Variants in FLRT2 observed in about 807,000 individuals in gnomAD.
The protein encoded by FLRT2 is fibronectin leucine rich transmembrane protein 2, also known as leucine-rich repeat transmembrane protein FLRT2.
A neutral mutation model predicts 40.0 loss-of-function variants in FLRT2; 15 were observed. That is an observed-to-expected ratio of 0.38 (90% confidence interval 0.25 to 0.58). The LOEUF is 0.58. Ranked by LOEUF, FLRT2 falls within the 20% of genes least tolerant of loss-of-function variation. The probability of loss-of-function intolerance (pLI) is 0.71; values close to 1 mark genes in which losing one functional copy is unlikely to be tolerated. For synonymous variants in FLRT2, 380 were observed against 336.8 expected, an observed-to-expected ratio of 1.13 and a Z score of -1.41; for missense variants, 726 against 840.0, an observed-to-expected ratio of 0.86 and a Z score of 1.68.
chr14:85,583,212 A>G (rs1246459363), intron 1 of FLRT2, among the ~76,000 whole-genome samples: 2 of 152,232 alleles, frequency 1.3e-5, no homozygotes, highest in East Asian at 3.8e-4. Flanking sequence ...AACAGGAAAT[A>G]CAAGGGAGAT....
intron 1 of FLRT2, among the ~76,000 whole-genome samples, chr14:85,542,071 G>C (rs1039985897): frequency 6.6e-6 from 1 of 152,094 alleles, no homozygotes; most frequent in Non-Finnish European, 1.5e-5. Context: ...GCTTGCTTAA[G>C]GCTTATTCTA....
rs953237214 is a variant in FLRT2 at position 85,571,518 on chromosome 14, G to A, written c.-377+40984G>A. 3.9e-5 allele frequency among the ~76,000 whole-genome samples: 6 copies of A among 152,148 alleles called. No homozygotes were observed. The East Asian group carries it at 1.2e-3, about 29-fold the overall frequency. On this transcript the variant is annotated intron_variant, in intron 1 of 1. Transcript: ENST00000330753. ...TTCCCTTCGATTGACATGCTCAAAG[G>A]CTGCCTATACCAAAGATTGATTCCA...
chr14:85,565,325 GTGC>G (rs761459697), intron 1 of FLRT2, among the ~76,000 whole-genome samples: 16 of 152,240 alleles, frequency 1.1e-4, no homozygotes, highest in East Asian at 1.9e-4. Flanking sequence ...CATCACTTGT[GTGC>G]TGCTATTTGT....
In FLRT2 at chr14:85,573,642, G is replaced by A. The variant is rs551886863; in HGVS notation, c.-377+43108G>A. Among the ~76,000 whole-genome samples, 18 of 152,184 alleles carry A rather than the reference G, an allele frequency of 1.2e-4. No homozygotes were observed. In the East Asian group the frequency reaches 2.5e-3, roughly 21 times the overall value. ...AGGATGTGAGGAGGAATTGTTTAAC[G>A]GTGACAGCATGGAGTAAATTCTGAC... On this transcript the variant is annotated intron_variant, in intron 1 of 1. Coordinates refer to ENST00000330753, the MANE Select transcript of FLRT2 (RefSeq NM_013231.6).
chr14:85,610,908 T>A (rs561038219), intron 1 of FLRT2, among the ~76,000 whole-genome samples: 1 of 151,606 alleles, frequency 6.6e-6, no homozygotes, highest in South Asian at 2.1e-4. Context: ...TTAATGAATT[T>A]TTTTTGAGAC....
chr14:85,564,090 C>T (rs1396266807), intron 1 of FLRT2, among the ~76,000 whole-genome samples: 2 of 152,144 alleles, frequency 1.3e-5, no homozygotes, highest in East Asian at 1.9e-4. Flanking sequence ...GTGGACAGAG[C>T]GTTTTGCTTT....
At chr14:85,557,028 T>G (rs2139836443) in intron 1 of FLRT2, among the ~76,000 whole-genome samples, 1 of 152,282 alleles carries the variant, frequency 6.6e-6, no homozygotes, top group South Asian at 2.1e-4. Context: ...CTCATGAAAC[T>G]TATTCACTAC....
chr14:85,553,186 G>T (rs1271135319), intron 1 of FLRT2, among the ~76,000 whole-genome samples: 1 of 152,144 alleles, frequency 6.6e-6, no homozygotes, highest in East Asian at 1.9e-4. Flanking sequence ...CTTCTTTGTA[G>T]CCTTCAGAAA....
rs754588942 is a variant in FLRT2 at position 85,633,368 on chromosome 14, T to C, written c.*9871T>C. The C allele has an allele frequency of 2.0e-5, 3 of 152,178 alleles. No homozygotes were observed. The highest frequency in any genetic ancestry group is 2.1e-4 in the South Asian group (1 of 4,828). The allele number at this position is 152,178 out of a possible 1,614,324, so 9.4% of individuals were successfully genotyped here. The stretch of plus-strand genomic sequence containing the variant: ...AGAAAGAGAACAGACTTCTTTATAA[T>C]GTAGCATATATTCTATCTGGTTGCT... On this transcript the variant is annotated 3_prime_UTR_variant, in exon 2 of 2. Coordinates refer to ENST00000330753, the MANE Select transcript of FLRT2 (RefSeq NM_013231.6).
chr14:85,618,552 T>G (rs1893236576), intron 1 of FLRT2, among the ~76,000 whole-genome samples: 1 of 152,198 alleles, frequency 6.6e-6, no homozygotes, highest in Admixed American at 6.5e-5. Flanking sequence ...ACATTTTCTG[T>G]TAAGGCCAAG....
At position 85,647,956 on chromosome 14, in the gene FLRT2, C is replaced by T. The variant is rs1894347122; in HGVS notation, c.*24459C>T. The T allele has an allele frequency of 6.6e-6, 1 of 152,150 alleles. No individual in the cohort carries two copies. The highest frequency in any genetic ancestry group is 1.5e-5 in the Non-Finnish European group (1 of 68,024). 9.4% of individuals were successfully genotyped at this position (152,150 alleles called of 1,614,324 possible). ...GCAGAGTAAGAAATTAATAACTACT[C>T]CTGTTCTCTTCTTTGCCTTGTTATG... On this transcript the variant is annotated 3_prime_UTR_variant, in exon 2 of 2. Transcript: ENST00000330753.
rs905448199 is a variant in FLRT2 at position 85,621,455 on chromosome 14, TTA to T, written c.-58_-57del. ...CATCCAGTCATTTTGATTTTGCTGT[TTA>T]TTTTTTTTTTCTTTTTCTTTTTCCC... is the stretch of plus-strand genomic sequence containing the variant. On this transcript the variant is annotated 5_prime_UTR_variant, in exon 2 of 2. Coordinates refer to ENST00000330753, the MANE Select transcript of FLRT2 (RefSeq NM_013231.6). The T allele has an allele frequency of 4.4e-4, 651 of 1,477,000 alleles. 1 individual carries two copies. The African/African-American group carries it at 8.2e-3, about 19-fold the overall frequency. 91.5% of individuals were successfully genotyped at this position (1,477,000 alleles called of 1,614,324 possible). A position where few individuals can be genotyped will look rare whatever the true frequency, so the allele number is the denominator to read the frequency against.
intron 1 of FLRT2, among the ~76,000 whole-genome samples, chr14:85,541,468 T>A (rs1888983215): frequency 6.6e-6 from 1 of 152,136 alleles, no homozygotes. Flanking sequence ...AAACTCATAG[T>A]GTTAGTGAAA....
chr14:85,619,397 G>A (rs1051869949), intron 1 of FLRT2, among the ~76,000 whole-genome samples: 2 of 152,126 alleles, frequency 1.3e-5, no homozygotes, highest in Admixed American at 1.3e-4. Flanking sequence ...GCCCGGCCAT[G>A]CTTGATTTTT....
chr14:85,545,808 C>T (rs1175866845), intron 1 of FLRT2, among the ~76,000 whole-genome samples: 1 of 152,188 alleles, frequency 6.6e-6, no homozygotes, highest in Non-Finnish European at 1.5e-5. Context: ...TTTCCCCTTA[C>T]CCTTTTACCA....
chr14:85,564,944 C>G (rs746835583), intron 1 of FLRT2, among the ~76,000 whole-genome samples: 16 of 152,288 alleles, frequency 1.1e-4, no homozygotes, highest in East Asian at 3.9e-4. Context: ...TATCTTGGCT[C>G]TCTGCCTTAC....
intron 1 of FLRT2, among the ~76,000 whole-genome samples, chr14:85,576,008 T>C (rs1042905438): frequency 6.6e-6 from 1 of 152,198 alleles, no homozygotes; most frequent in Non-Finnish European, 1.5e-5. Flanking sequence ...GGGTATATTC[T>C]AGAATTAGAA....
chr14:85,608,013 C>T lies in FLRT2; in HGVS notation c.-376-13126C>T, dbSNP rs188096180. ...TCTTCCCTCTGTGTATGTCTGTTTC[C>T]TAATCTCCTCTTCCTGTACAGACAC... On this transcript the variant is annotated intron_variant, in intron 1 of 1. Transcript: ENST00000330753. 5.9e-5 allele frequency among the ~76,000 whole-genome samples: 9 copies of T among 151,986 alleles called. No homozygotes were observed. In the East Asian group the frequency reaches 1.7e-3, roughly 29 times the overall value.
intron 1 of FLRT2, among the ~76,000 whole-genome samples, chr14:85,558,572 C>T (rs1257392809): frequency 6.6e-6 from 1 of 152,164 alleles, no homozygotes; most frequent in Admixed American, 6.5e-5. Flanking sequence ...AAGGAGGAGT[C>T]TCTTTCGGTG....
Sources: allele counts gnomAD v4.1 joint callset (sites outside exome capture counted in the v4.1 genomes callset), GRCh38; gene constraint gnomAD v4.1.1; transcripts MANE v1.5; gene names NCBI Gene and HGNC (gene_info 2026-07-23, HGNC 2026-07-21).